PROM1: variants seen among roughly 807,000 people sequenced by gnomAD.
PROM1 encodes the protein prominin-1.
A neutral mutation model predicts 116.9 loss-of-function variants in PROM1; 105 were observed. The observed-to-expected ratio is 0.90, with a 90% CI of 0.77 to 1.06. The LOEUF is 1.06. PROM1 is among the 50% of genes least tolerant of loss of function. The pLI is 0.00. For synonymous variants in PROM1, 393 were observed against 387.0 expected (o/e 1.02, Z -0.18); for missense variants, 1,122 against 1,045.2 (o/e 1.07, Z -1.01).
chr4:16,046,305 TACAA>T (rs1736534708), intron 2 of PROM1, among the ~76,000 whole-genome samples: 1 of 152,240 alleles, frequency 6.6e-6, no homozygotes, highest in Non-Finnish European at 1.5e-5. Flanking sequence ...GATCTTAAAT[TACAA>T]ACAGAGGTAA....
At chr4:16,015,775 A>G (rs1201285620) in intron 10 of PROM1, among the ~76,000 whole-genome samples, 1 of 151,992 alleles carries the variant, frequency 6.6e-6, no homozygotes, top group African/African-American at 2.4e-5. Flanking sequence ...AAGCAGAGGG[A>G]AGAGCATGTG....
Position 16,035,720 on chromosome 4 carries a change from A to C in PROM1, c.303+15T>G, listed in dbSNP as rs754507135. 8.1e-6 allele frequency: 13 copies of C among 1,608,850 alleles called. No homozygotes were observed. Among genetic ancestry groups the C allele is most frequent in the Non-Finnish European group, 1.1e-5 (13 of 1,175,186 alleles). Reference sequence around the variant, plus strand: ...CTTTCCAAGAGCAACTTGAAATAGCAGACAAGGACTTTACCTTTAGACCTA... The same window carrying C: ...CTTTCCAAGAGCAACTTGAAATAGCCGACAAGGACTTTACCTTTAGACCTA... On this transcript the variant is annotated intron_variant, in intron 4 of 27. Transcript: ENST00000447510.
At chr4:15,984,461 T>C in intron 22 of PROM1, 106 bp from the exon 23 acceptor site, 2 of 806,152 alleles carry the variant, frequency 2.5e-6, no homozygotes, top group Non-Finnish European at 3.8e-6. Flanking sequence ...AGGATCTCCA[T>C]GTCCTCTAAG....
At chr4:16,058,150 C>T (rs1739471530) in intron 2 of PROM1, among the ~76,000 whole-genome samples, 1 of 152,134 alleles carries the variant, frequency 6.6e-6, no homozygotes, top group African/African-American at 2.4e-5. Flanking sequence ...CTGTGCAGTT[C>T]CAGAAAACAG....
In PROM1 at chr4:15,980,431, A is replaced by T; in HGVS notation, c.2480T>A (p.Val827Glu). 1 of 1,546,450 alleles carries T rather than the reference A, an allele frequency of 6.5e-7. No individual in the cohort carries two copies. The highest frequency in any genetic ancestry group is 8.8e-7 in the Non-Finnish European group (1 of 1,141,874). Reference sequence around the variant, plus strand: ...AAGCCCACATACTTACTCATCGTACACGTCCTCCGAATCCATTCGACGATA... The same window carrying T: ...AAGCCCACATACTTACTCATCGTACTCGTCCTCCGAATCCATTCGACGATA... ...KYYRRMDSEDVYDDVETIPMK... is the reference protein window; with the variant it reads ...KYYRRMDSEDEYDDVETIPMK... The change falls in exon 24 of 28, where the codon GTG (valine) becomes GAG (glutamate). Residue 827 changes from valine (V) to glutamate (E), a missense_variant. Physicochemically the swap from Val to Glu is moderately radical, Grantham distance 121. Coordinates refer to ENST00000447510, the MANE Select transcript of PROM1 (RefSeq NM_006017.3).
At chr4:16,004,822 T>TC (rs779514969) in intron 13 of PROM1, among the ~76,000 whole-genome samples, 7 of 118,564 alleles carry the variant, frequency 5.9e-5, no homozygotes, top group African/African-American at 2.1e-4. Flanking sequence ...TTTCTTTCTT[T>TC]CTTTCTTTTT....
chr4:16,047,243 C>T (rs1002698939), intron 2 of PROM1, among the ~76,000 whole-genome samples: 3 of 151,934 alleles, frequency 2.0e-5, no homozygotes, highest in Admixed American at 1.3e-4. Context: ...GAGTCTCTGT[C>T]GCCCAGGCTG....
At chr4:16,001,532 G>A (rs1242607447) in intron 13 of PROM1, among the ~76,000 whole-genome samples, 2 of 152,160 alleles carry the variant, frequency 1.3e-5, no homozygotes, top group African/African-American at 4.8e-5. Context: ...CCAAGATGAT[G>A]AGGCAGAGAA....
At chr4:16,066,671 G>A (rs1741608279) in intron 2 of PROM1, among the ~76,000 whole-genome samples, 1 of 152,144 alleles carries the variant, frequency 6.6e-6, no homozygotes, top group Non-Finnish European at 1.5e-5. Context: ...ACTTCTCTAG[G>A]GGTAAATCTC....
chr4:16,067,125 C>T lies in PROM1; in HGVS notation c.220+8562G>A, dbSNP rs16892920. On this transcript the variant is annotated intron_variant, in intron 2 of 27. Transcript: ENST00000447510. ...CCACCCACTCACAGGTCACTGGGGACGTCAAATGAAATCTATACAACAGAT... is the reference window on the plus strand; with the variant it reads ...CCACCCACTCACAGGTCACTGGGGATGTCAAATGAAATCTATACAACAGAT... 8.9e-3 allele frequency among the ~76,000 whole-genome samples: 1,353 copies of T among 152,210 alleles called. 40 individuals carry two copies. The highest frequency in any genetic ancestry group is 0.067 in the East Asian group (347 of 5,182).
chr4:15,969,738 G>T lies in PROM1; in HGVS notation c.*25-370C>A, dbSNP rs565166266. 2.6e-5 allele frequency among the ~76,000 whole-genome samples: 4 copies of T among 152,076 alleles called. 1 individual carries two copies. The South Asian group carries it at 8.3e-4, about 32-fold the overall frequency. ...CTACAGGCACCTGCCACCATGCCTG[G>T]CTAATTTTTATATTTTTTAGTAGAG... On this transcript the variant is annotated intron_variant, in intron 27 of 27. Coordinates refer to ENST00000447510, the MANE Select transcript of PROM1 (RefSeq NM_006017.3).
chr4:16,042,205 G>A (rs914131324), intron 2 of PROM1, among the ~76,000 whole-genome samples: 1 of 152,152 alleles, frequency 6.6e-6, no homozygotes, highest in African/African-American at 2.4e-5. Context: ...GAGCTTTCAA[G>A]CAAAAATCAG....
In PROM1 at chr4:15,971,072, G is replaced by C; in HGVS notation, c.2593C>G (p.His865Asp). The C allele has an allele frequency of 6.3e-7, 1 of 1,578,706 alleles. No individual in the cohort carries two copies. The highest frequency in any genetic ancestry group is 8.6e-7 in the Non-Finnish European group (1 of 1,162,634). The part of the protein sequence containing the change: ...HNPVMTSPSQ[H>D] ...AGCAGTTTCAACATCAGCTATCAAT[G>C]TTGTGATGGGCTAAAAAACAAAAAA... The change falls in exon 27 of 28, where the codon CAT becomes GAT. Residue 865 changes from histidine (H) to aspartate (D), a missense_variant. His to Asp is a moderately conservative substitution (Grantham distance 81). Transcript: ENST00000447510.
At chr4:16,029,677 T>C (rs1732205254) in intron 5 of PROM1, among the ~76,000 whole-genome samples, 1 of 152,204 alleles carries the variant, frequency 6.6e-6, no homozygotes, top group Admixed American at 6.5e-5. Flanking sequence ...AGAAAAGATT[T>C]ACATTTTTTA....
At chr4:15,980,361 T>C in intron 24 of PROM1, 61 bp downstream of exon 24, 1 of 1,102,142 alleles carries the variant, frequency 9.1e-7, no homozygotes. Flanking sequence ...CTTTAGCAAC[T>C]CTTTGAAGAC....
Position 15,986,444 on chromosome 4 carries a change from G to A in PROM1, c.2131-407C>T, listed in dbSNP as rs530957773. On this transcript the variant is annotated intron_variant, in intron 20 of 27. Coordinates refer to ENST00000447510, the MANE Select transcript of PROM1 (RefSeq NM_006017.3). ...TTTCACTACAAAACCCATAGTCTTT[G>A]CACTACAACACAAGCAAAGACGAGT... 5.3e-5 allele frequency among the ~76,000 whole-genome samples: 8 copies of A among 151,772 alleles called. No individual in the cohort carries two copies. The South Asian group carries it at 1.2e-3, about 24-fold the overall frequency.
Position 15,996,011 on chromosome 4 carries a change from C to T in PROM1, c.1683-1940G>A, listed in dbSNP as rs1005433162. ...GCAGTTGTTAGTATGGTACTTAGCT[C>T]GCTTTACAACAGGTGCTCATAAAAT... On this transcript the variant is annotated intron_variant, in intron 15 of 27. Coordinates refer to ENST00000447510, the MANE Select transcript of PROM1 (RefSeq NM_006017.3). Among the ~76,000 whole-genome samples the T allele has an allele frequency of 1.7e-4, 26 of 152,162 alleles. 1 individual carries two copies. Among genetic ancestry groups the T allele is most frequent in the South Asian group, 2.1e-4 (1 of 4,834 alleles).
chr4:16,040,314 A>G (rs931092069), intron 2 of PROM1, among the ~76,000 whole-genome samples: 1 of 152,176 alleles, frequency 6.6e-6, no homozygotes, highest in African/African-American at 2.4e-5. Context: ...GGGAACCCCA[A>G]TAGTTTCTTC....
intron 10 of PROM1, among the ~76,000 whole-genome samples, chr4:16,013,658 G>C (rs1217460592): frequency 6.6e-6 from 1 of 152,132 alleles, no homozygotes; most frequent in African/African-American, 2.4e-5. Context: ...TTCTCAACTG[G>C]GAGAAATTTT....
Sources: allele counts gnomAD v4.1 joint callset (sites outside exome capture counted in the v4.1 genomes callset), GRCh38; gene constraint gnomAD v4.1.1; transcripts MANE v1.5; gene names NCBI Gene and HGNC (gene_info 2026-07-23, HGNC 2026-07-21).